MACROD2: variants seen among roughly 807,000 people sequenced by gnomAD.
The protein encoded by MACROD2 is ADP-ribose glycohydrolase MACROD2.
A neutral mutation model predicts 70.4 loss-of-function variants in MACROD2; 36 were observed. The observed-to-expected ratio is 0.51, with a 90% CI of 0.39 to 0.68. MACROD2 has a LOEUF of 0.68. MACROD2 is among the 30% of genes least tolerant of loss of function. MACROD2 has a pLI of 0.00. For synonymous variants in MACROD2, 172 were observed against 178.8 expected, an observed-to-expected ratio of 0.96 and a Z score of 0.30; for missense variants, 496 against 538.4, an observed-to-expected ratio of 0.92 and a Z score of 0.78.
intron 6 of MACROD2, among the ~76,000 whole-genome samples, chr20:15,425,449 T>A (rs1234891938): frequency 1.3e-5 from 2 of 152,202 alleles, no homozygotes; most frequent in Non-Finnish European, 2.9e-5. Context: ...ATTGACAGCT[T>A]GCTTGAGTCA....
chr20:14,247,669 G>T (rs1034707197), intron 3 of MACROD2, among the ~76,000 whole-genome samples: 5 of 152,186 alleles, frequency 3.3e-5, no homozygotes, highest in African/African-American at 1.2e-4. Flanking sequence ...TAACACTGCA[G>T]AAGAAGTGCC....
At chr20:15,904,630 C>T (rs982823160) in intron 10 of MACROD2, among the ~76,000 whole-genome samples, 7 of 151,900 alleles carry the variant, frequency 4.6e-5, no homozygotes, top group Non-Finnish European at 8.8e-5. Context: ...CGGTGGCTCA[C>T]GCCTGTAATC....
chr20:14,434,325 G>A (rs765268570), intron 3 of MACROD2, among the ~76,000 whole-genome samples: 1 of 152,096 alleles, frequency 6.6e-6, no homozygotes, highest in Non-Finnish European at 1.5e-5. Context: ...TTGTATTTGA[G>A]TTTTCATAGT....
intron 5 of MACROD2, among the ~76,000 whole-genome samples, chr20:14,982,152 T>G (rs1325902557): frequency 6.6e-6 from 1 of 152,110 alleles, no homozygotes; most frequent in African/African-American, 2.4e-5. Flanking sequence ...GCCCTAGAGA[T>G]CTGTGGGACT....
chr20:15,607,629 G>A (rs2048912037), intron 8 of MACROD2, among the ~76,000 whole-genome samples: 1 of 152,180 alleles, frequency 6.6e-6, no homozygotes, highest in African/African-American at 2.4e-5. Context: ...TGCCTCCCGG[G>A]TTCAAGCGAT....
chr20:15,294,751 A>G (rs1258264303), intron 6 of MACROD2, among the ~76,000 whole-genome samples: 1 of 152,120 alleles, frequency 6.6e-6, no homozygotes, highest in Admixed American at 6.6e-5. Context: ...CCTTCCCCCA[A>G]CTGTGTGGAA....
intron 6 of MACROD2, among the ~76,000 whole-genome samples, chr20:15,293,660 G>T (rs1376153365): frequency 6.6e-6 from 1 of 152,198 alleles, no homozygotes; most frequent in Non-Finnish European, 1.5e-5. Flanking sequence ...TAGGGAGCAG[G>T]TATCCAGGGC....
intron 3 of MACROD2, among the ~76,000 whole-genome samples, chr20:14,158,010 T>C (rs983340058): frequency 2.0e-5 from 3 of 152,182 alleles, no homozygotes; most frequent in Non-Finnish European, 2.9e-5. Context: ...CTATTTTCCA[T>C]AGTGGCTAGA....
chr20:15,064,722 CT>C (rs1167662519), intron 5 of MACROD2, among the ~76,000 whole-genome samples: 2 of 152,226 alleles, frequency 1.3e-5, no homozygotes, highest in African/African-American at 4.8e-5. Context: ...GAGCTCTTTG[CT>C]TATCAGGGCT....
chr20:14,706,275 C>T (rs1457704011), intron 5 of MACROD2, among the ~76,000 whole-genome samples: 1 of 150,802 alleles, frequency 6.6e-6, no homozygotes, highest in Non-Finnish European at 1.5e-5. Context: ...GATGATGCCA[C>T]TGCACTCCAG....
At position 15,635,310 on chromosome 20, in the gene MACROD2, C is replaced by T. The variant is rs185558967; in HGVS notation, c.645+135463C>T. ...AACTTGTACAAGTTCATAAAGCTAA[C>T]GAATGGCAAAACCAGTGTTTGAGTT... On this transcript the variant is annotated intron_variant, in intron 8 of 17. Transcript: ENST00000684519. Among the ~76,000 whole-genome samples, 60 of 152,278 alleles carry T rather than the reference C, an allele frequency of 3.9e-4. 1 individual carries two copies. The East Asian group carries it at 6.0e-3, about 15-fold the overall frequency.
intron 3 of MACROD2, among the ~76,000 whole-genome samples, chr20:14,223,967 C>A (rs901485997): frequency 5.3e-5 from 8 of 152,160 alleles, no homozygotes; most frequent in African/African-American, 1.9e-4. Context: ...GAAAGAGTTG[C>A]AGTTTTAGTC....
chr20:14,343,786 A>C (rs2083038484), intron 3 of MACROD2, among the ~76,000 whole-genome samples: 1 of 152,246 alleles, frequency 6.6e-6, no homozygotes, highest in Non-Finnish European at 1.5e-5. Context: ...TAATAGGAGC[A>C]GATCAATATG....
At chr20:14,842,825 A>G (rs2073101343) in intron 5 of MACROD2, among the ~76,000 whole-genome samples, 1 of 152,090 alleles carries the variant, frequency 6.6e-6, no homozygotes, top group Non-Finnish European at 1.5e-5. Flanking sequence ...CAGTGAAACA[A>G]CAGAGTCCAA....
At chr20:15,792,708 T>C (rs543815794) in intron 8 of MACROD2, among the ~76,000 whole-genome samples, 2 of 152,282 alleles carry the variant, frequency 1.3e-5, no homozygotes, top group Admixed American at 1.3e-4. Context: ...GTTAATACAT[T>C]GTTGCTTGAG....
At chr20:14,091,807 G>C (rs2054153862) in intron 3 of MACROD2, among the ~76,000 whole-genome samples, 1 of 152,038 alleles carries the variant, frequency 6.6e-6, no homozygotes, top group African/African-American at 2.4e-5. Context: ...TTCATTGTAT[G>C]GATGTACCAG....
At chr20:15,166,629 T>G (rs1032377165) in intron 5 of MACROD2, among the ~76,000 whole-genome samples, 6 of 151,930 alleles carry the variant, frequency 3.9e-5, no homozygotes, top group Non-Finnish European at 7.4e-5. Flanking sequence ...AAGTATAAAA[T>G]ACAACAATCT....
At position 16,052,473 on chromosome 20, in the gene MACROD2, T is replaced by C. The variant is rs1250519388; in HGVS notation, c.*2597T>C. ...GGGAGGGAGGAAAATAGCCCTATGT[T>C]AGTCATGTTTGCATACAGAGGATCA... On this transcript the variant is annotated 3_prime_UTR_variant, in exon 18 of 18. Coordinates refer to ENST00000684519, the MANE Select transcript of MACROD2 (RefSeq NM_001351661.2). 1.3e-5 allele frequency: 2 copies of C among 152,394 alleles called. No homozygotes were observed. Among genetic ancestry groups the C allele is most frequent in the African/African-American group, 4.8e-5 (2 of 41,440 alleles). The allele number at this position is 152,394 out of a possible 1,614,324, so 9.4% of individuals were successfully genotyped here.
At chr20:15,779,505 G>T (rs1234058389) in intron 8 of MACROD2, among the ~76,000 whole-genome samples, 1 of 152,138 alleles carries the variant, frequency 6.6e-6, no homozygotes, top group East Asian at 1.9e-4. Flanking sequence ...CAAATACCAA[G>T]TAGCAGCAGG....
Sources: gnomAD v4.1 joint callset for allele counts (sites outside exome capture counted in the v4.1 genomes callset) on GRCh38, gnomAD v4.1.1 for gene constraint, MANE v1.5 for transcripts, NCBI Gene and HGNC (gene_info 2026-07-23, HGNC 2026-07-21) for gene names.